The following PHF5A variants were observed in gnomAD, a reference collection of about 807,000 sequenced individuals.
PHF5A encodes the protein PHD finger protein 5A, also known as PHD finger-like domain-containing protein 5A.
For synonymous variants in PHF5A, 52 were observed against 46.0 expected (o/e 1.13, Z -0.52); for missense variants, 24 against 140.6 (o/e 0.17, Z 4.19).
intron 1 of PHF5A, 21 bp downstream of exon 1, chr22:41,468,581 A>G: frequency 6.2e-7 from 1 of 1,613,718 alleles, no homozygotes; most frequent in Non-Finnish European, 8.5e-7. Context: ...CCAGACAGCC[A>G]GGGGTAGGGC....
At chr22:41,468,568 T>A in intron 1 of PHF5A, 34 bp downstream of exon 1, 2 of 1,612,348 alleles carry the variant, frequency 1.2e-6, no homozygotes, top group Non-Finnish European at 1.7e-6. Flanking sequence ...ATACCACCCC[T>A]GCCCAGACAG....
At chr22:41,463,454 C>T (rs369219372) in intron 3 of PHF5A, among the ~76,000 whole-genome samples, 1 of 151,684 alleles carries the variant, frequency 6.6e-6, no homozygotes, top group African/African-American at 2.4e-5. Flanking sequence ...AGGCTGGACA[C>T]GGTGGTCCAT....
chr22:41,461,961 CTTACA>C lies in PHF5A; in HGVS notation c.244-1479_244-1475del, dbSNP rs372379131. On this transcript the variant is annotated intron_variant, in intron 3 of 3. Transcript: ENST00000216252. ...CAGGCGTGAGCCACCGTGCCTGGCC[CTTACA>C]TTTTAAATACCATAGGAGACTAATG... 2.0e-3 allele frequency among the ~76,000 whole-genome samples: 298 copies of C among 152,194 alleles called. 1 individual carries two copies. Among genetic ancestry groups the C allele is most frequent in the Admixed American group, 4.1e-3 (63 of 15,268 alleles).
chr22:41,467,217 T>TC (rs1011227591), intron 3 of PHF5A, among the ~76,000 whole-genome samples: 3 of 151,986 alleles, frequency 2.0e-5, no homozygotes, highest in African/African-American at 7.2e-5. Context: ...GAGAGGGCTC[T>TC]CCAAATTGCT....
At chr22:41,467,761 TG>T (rs2037881256) in intron 2 of PHF5A, 147 bp from the exon 3 acceptor site, 1 of 963,540 alleles carries the variant, frequency 1.0e-6, no homozygotes, top group African/African-American at 1.7e-5. Flanking sequence ...TCACAAAACT[TG>T]GTTTCCCCAG....
At chr22:41,468,008 G>A in intron 2 of PHF5A, 116 bp downstream of exon 2, 1 of 1,083,136 alleles carries the variant, frequency 9.2e-7, no homozygotes, top group South Asian at 1.3e-5. Flanking sequence ...GCAGCATTCA[G>A]TGTTCACATA....
At chr22:41,461,947 C>T (rs1239844972) in intron 3 of PHF5A, among the ~76,000 whole-genome samples, 6 of 152,214 alleles carry the variant, frequency 3.9e-5, no homozygotes, top group Non-Finnish European at 8.8e-5. Flanking sequence ...AGGCGTGAGC[C>T]ACCGTGCCTG....
At position 41,460,245 on chromosome 22, in the gene PHF5A, G is replaced by A; in HGVS notation, c.*153C>T. ...TTCCATCCCTACCACGTGTCTGGGTGAAGGGAGAGGAGGGGGTGGCAAGCT... is the reference window on the plus strand; with the variant it reads ...TTCCATCCCTACCACGTGTCTGGGTAAAGGGAGAGGAGGGGGTGGCAAGCT... On this transcript the variant is annotated 3_prime_UTR_variant, in exon 4 of 4. Coordinates refer to ENST00000216252, the MANE Select transcript of PHF5A (RefSeq NM_032758.4). 3.4e-6 allele frequency: 2 copies of A among 592,204 alleles called. No individual in the cohort carries two copies. Among genetic ancestry groups the A allele is most frequent in the Non-Finnish European group, 6.0e-6 (2 of 331,084 alleles). The allele number at this position is 592,204 out of a possible 1,614,324, so 36.7% of individuals were successfully genotyped here.
intron 3 of PHF5A, 104 bp downstream of exon 3, chr22:41,467,344 C>G: frequency 8.9e-7 from 1 of 1,119,158 alleles, no homozygotes; most frequent in South Asian, 1.6e-5. Flanking sequence ...ACCTAGATGA[C>G]TAGATGAACA....
intron 3 of PHF5A, among the ~76,000 whole-genome samples, chr22:41,463,518 G>A (rs2037841905): frequency 6.6e-6 from 1 of 151,734 alleles, no homozygotes; most frequent in African/African-American, 2.4e-5. Context: ...ACAAGGTCAG[G>A]AGTTCAAGAT....
chr22:41,461,812 G>C (rs1343183745), intron 3 of PHF5A, among the ~76,000 whole-genome samples: 2 of 152,014 alleles, frequency 1.3e-5, no homozygotes, highest in African/African-American at 4.8e-5. Context: ...ACATGCACCC[G>C]CGACCATGCC....
At position 41,460,557 on chromosome 22, in the gene PHF5A, T is replaced by A. The variant is rs531518665; in HGVS notation, c.244-70A>T. The A allele has an allele frequency of 7.6e-6, 10 of 1,323,316 alleles. No homozygotes were observed. In the South Asian group the frequency reaches 8.0e-5, roughly 11 times the overall value. The allele number at this position is 1,323,316 out of a possible 1,614,324, so 82.0% of individuals were successfully genotyped here. A position where few individuals can be genotyped will look rare whatever the true frequency, so the allele number is the denominator to read the frequency against. On this transcript the variant is annotated intron_variant, in intron 3 of 3. Coordinates refer to ENST00000216252, the MANE Select transcript of PHF5A (RefSeq NM_032758.4). ...CAAGAGTGACTTAAGATAAAAAATT[T>A]AAGCCCAGTGTGGTAGCATGTGCCT...
intron 1 of PHF5A, 200 bp downstream of exon 1, chr22:41,468,402 C>A: frequency 1.5e-6 from 1 of 660,936 alleles, no homozygotes; most frequent in Non-Finnish European, 2.6e-6. Flanking sequence ...CGATACCTGC[C>A]TGGGGCTCCC....
intron 3 of PHF5A, among the ~76,000 whole-genome samples, chr22:41,460,708 G>A (rs145280209): frequency 2.2e-5 from 3 of 133,506 alleles, no homozygotes; most frequent in Admixed American, 7.5e-5. Context: ...GCAACATAGC[G>A]AGACCCCCAT....
At chr22:41,465,582 T>A (rs958246302) in intron 3 of PHF5A, among the ~76,000 whole-genome samples, 5 of 152,090 alleles carry the variant, frequency 3.3e-5, no homozygotes, top group African/African-American at 1.2e-4. Context: ...CAGAAACACT[T>A]GTAAAAGGAC....
rs2037814049 is a variant in PHF5A at position 41,459,953 on chromosome 22, G to A, written c.*445C>T. ...GGGAAATGCCTACATTTCTTGTTCT[G>A]ATAGCTTCCCACCACACACCAAAGG... On this transcript the variant is annotated 3_prime_UTR_variant, in exon 4 of 4. Coordinates refer to ENST00000216252, the MANE Select transcript of PHF5A (RefSeq NM_032758.4). 8.1e-6 allele frequency: 1 copy of A among 123,032 alleles called. No individual in the cohort carries two copies. Among genetic ancestry groups the A allele is most frequent in the Non-Finnish European group, 1.6e-5 (1 of 63,868 alleles). 7.6% of individuals were successfully genotyped at this position (123,032 alleles called of 1,614,324 possible).
Position 41,468,666 on chromosome 22 carries a change from A to G in PHF5A, c.-13T>C. The G allele has an allele frequency of 6.2e-7, 1 of 1,613,860 alleles. No homozygotes were observed. Among genetic ancestry groups the G allele is most frequent in the Non-Finnish European group, 8.5e-7 (1 of 1,179,860 alleles). On this transcript the variant is annotated 5_prime_UTR_variant, in exon 1 of 4. Transcript: ENST00000216252. ...GATGTTTAGCCATAGCTCCTAACTA[A>G]GCCGGCCACCGGAAGCTTCGGGAAC...
intron 3 of PHF5A, among the ~76,000 whole-genome samples, chr22:41,463,716 C>A (rs1049525581): frequency 9.4e-6 from 1 of 105,984 alleles, no homozygotes; most frequent in Non-Finnish European, 1.7e-5. Flanking sequence ...CACAGTAAGA[C>A]TCTGTCTCAA....
At chr22:41,461,929 G>A (rs1037021463) in intron 3 of PHF5A, among the ~76,000 whole-genome samples, 4 of 151,698 alleles carry the variant, frequency 2.6e-5, no homozygotes, top group African/African-American at 9.7e-5. Flanking sequence ...CTAAAGTGAT[G>A]GGATTTCAGG....
Sources: allele counts gnomAD v4.1 joint callset (sites outside exome capture counted in the v4.1 genomes callset), GRCh38; gene constraint gnomAD v4.1.1; transcripts MANE v1.5; gene names NCBI Gene and HGNC (gene_info 2026-07-23, HGNC 2026-07-21).